The following SMAD9 variants were observed in gnomAD, a reference collection of about 807,000 sequenced individuals.
SMAD9 encodes MAD homolog 9.
A neutral mutation model predicts 46.1 loss-of-function variants in SMAD9; 36 were observed. That is an observed-to-expected ratio of 0.78 (90% CI 0.60 to 1.03). The LOEUF is 1.03. Ranked by LOEUF, SMAD9 falls within the 50% of genes least tolerant of loss-of-function variation. The probability of loss-of-function intolerance (pLI) is 0.00; values close to 1 mark genes in which losing one functional copy is unlikely to be tolerated. For synonymous variants in SMAD9, 245 were observed against 237.1 expected, an observed-to-expected ratio of 1.03 and a Z score of -0.31; for missense variants, 572 against 599.8, an observed-to-expected ratio of 0.95 and a Z score of 0.48.
At chr13:36,869,807 C>T (rs1205454640) in intron 3 of SMAD9, among the ~76,000 whole-genome samples, 1 of 145,312 alleles carries the variant, frequency 6.9e-6, no homozygotes, top group Non-Finnish European at 1.5e-5. Flanking sequence ...CCAGCCTGGG[C>T]AACAAGAGCA....
chr13:36,905,257 A>C (rs1735650101), intron 1 of SMAD9, among the ~76,000 whole-genome samples: 1 of 152,134 alleles, frequency 6.6e-6, no homozygotes. Context: ...TAATTACTTG[A>C]AATCGACTTG....
At chr13:36,889,324 T>C (rs900923552) in intron 1 of SMAD9, among the ~76,000 whole-genome samples, 4 of 152,178 alleles carry the variant, frequency 2.6e-5, no homozygotes, top group East Asian at 1.9e-4. Context: ...TGTGGCTCCA[T>C]GTTTCTTTCA....
chr13:36,884,749 T>C (rs1004291247), intron 1 of SMAD9, among the ~76,000 whole-genome samples: 2 of 152,226 alleles, frequency 1.3e-5, no homozygotes, highest in Non-Finnish European at 2.9e-5. Context: ...GAAGGTTCAG[T>C]TGGTGATTTT....
At chr13:36,877,352 C>G (rs1214269915) in intron 2 of SMAD9, among the ~76,000 whole-genome samples, 1 of 151,616 alleles carries the variant, frequency 6.6e-6, no homozygotes, top group Non-Finnish European at 1.5e-5. Context: ...CAGAGCAAGA[C>G]AAAAAAACAA....
intron 1 of SMAD9, among the ~76,000 whole-genome samples, chr13:36,919,898 C>T (rs2058729464): frequency 1.3e-5 from 2 of 151,058 alleles, no homozygotes; most frequent in South Asian, 4.2e-4. Flanking sequence ...AAAGCCAAGC[C>T]TCACGCCGAG....
chr13:36,879,464 C>A lies in SMAD9; in HGVS notation c.226G>T (p.Asp76Tyr). The part of the protein sequence containing the change: ...SKCVTIPRSL[D>Y]GRLQVSHRKG... ...CGGTGGGACACCTGCAGCCGCCCGT[C>A]CAGGGAGCGGGGAATCGTGACGCAT... Residue 76 changes from aspartate (D) to tyrosine (Y), a missense_variant, in exon 2 of 7, where the codon GAC becomes TAC. By Grantham distance (160) the Asp-to-Tyr change is radical (BLOSUM62 -3). Transcript: ENST00000379826. 6.2e-7 allele frequency: 1 copy of A among 1,613,866 alleles called. No individual in the cohort carries two copies. The highest frequency in any genetic ancestry group is 8.5e-7 in the Non-Finnish European group (1 of 1,180,032).
chr13:36,853,249 C>T (rs1313908194), intron 6 of SMAD9, among the ~76,000 whole-genome samples, 170 bp downstream of exon 6: 1 of 152,122 alleles, frequency 6.6e-6, no homozygotes, highest in Non-Finnish European at 1.5e-5. Context: ...CATGCCACTG[C>T]ACTCCAGCCT....
intron 1 of SMAD9, among the ~76,000 whole-genome samples, chr13:36,897,738 T>C (rs2058540084): frequency 6.6e-6 from 1 of 152,136 alleles, no homozygotes; most frequent in African/African-American, 2.4e-5. Flanking sequence ...GTATAATGCA[T>C]TTGCATTTTC....
chr13:36,895,894 T>C (rs1178536941), intron 1 of SMAD9, among the ~76,000 whole-genome samples: 2 of 152,168 alleles, frequency 1.3e-5, no homozygotes, highest in Admixed American at 1.3e-4. Context: ...CAGCCTGAAA[T>C]TGGGATTTCC....
intron 1 of SMAD9, among the ~76,000 whole-genome samples, chr13:36,901,260 C>T (rs1166117819): frequency 6.6e-6 from 1 of 152,136 alleles, no homozygotes; most frequent in Non-Finnish European, 1.5e-5. Flanking sequence ...CACTATTTTC[C>T]ACATCATCTG....
At chr13:36,873,047 T>C in intron 2 of SMAD9, 132 bp from the exon 3 acceptor site, 1 of 982,242 alleles carries the variant, frequency 1.0e-6, no homozygotes, top group Non-Finnish European at 1.6e-6. Flanking sequence ...ACTACTCCCA[T>C]TAGTCTTTGT....
At chr13:36,887,277 C>G (rs2058454955) in intron 1 of SMAD9, among the ~76,000 whole-genome samples, 2 of 127,776 alleles carry the variant, frequency 1.6e-5, no homozygotes, top group African/African-American at 6.2e-5. Flanking sequence ...GGCTGGAGTG[C>G]AGTGGCGCGA....
chr13:36,857,307 C>T (rs911948421), intron 5 of SMAD9, among the ~76,000 whole-genome samples: 1 of 152,198 alleles, frequency 6.6e-6, no homozygotes, highest in Non-Finnish European at 1.5e-5. Flanking sequence ...ATCCTGCAGC[C>T]TGTTCTAACT....
intron 5 of SMAD9, among the ~76,000 whole-genome samples, chr13:36,861,860 C>T (rs542326852): frequency 1.3e-5 from 2 of 150,948 alleles, no homozygotes; most frequent in South Asian, 4.2e-4. Flanking sequence ...ACCCTGGAGG[C>T]AGAGGTTGCA....
At chr13:36,917,487 A>C (rs2058707527) in intron 1 of SMAD9, among the ~76,000 whole-genome samples, 1 of 152,078 alleles carries the variant, frequency 6.6e-6, no homozygotes, top group South Asian at 2.1e-4. Flanking sequence ...AATTACAACT[A>C]TTTGAGAAGA....
chr13:36,916,663 T>C (rs190923116), intron 1 of SMAD9, among the ~76,000 whole-genome samples: 3 of 152,104 alleles, frequency 2.0e-5, no homozygotes, highest in Admixed American at 6.6e-5. Flanking sequence ...CCTTCCTTCC[T>C]GGATCTTGTA....
intron 1 of SMAD9, among the ~76,000 whole-genome samples, chr13:36,888,057 G>A (rs1364835532): frequency 6.6e-6 from 1 of 152,174 alleles, no homozygotes; most frequent in Non-Finnish European, 1.5e-5. Flanking sequence ...CCCACTCTGA[G>A]GAGTTTCAGA....
chr13:36,860,643 C>T (rs993541149), intron 5 of SMAD9, among the ~76,000 whole-genome samples: 2 of 151,282 alleles, frequency 1.3e-5, no homozygotes, highest in Admixed American at 6.6e-5. Context: ...TTAGTAGAGA[C>T]GGGGTTTCAG....
At chr13:36,888,162 C>G (rs564486373) in intron 1 of SMAD9, among the ~76,000 whole-genome samples, 1 of 152,142 alleles carries the variant, frequency 6.6e-6, no homozygotes, top group Non-Finnish European at 1.5e-5. Flanking sequence ...TGGCTCTGTG[C>G]CCCCGCCCAA....
Sources: gnomAD v4.1 joint callset for allele counts (sites outside exome capture counted in the v4.1 genomes callset) on GRCh38, gnomAD v4.1.1 for gene constraint, MANE v1.5 for transcripts, NCBI Gene and HGNC (gene_info 2026-07-23, HGNC 2026-07-21) for gene names.